FRMD6: variants seen among roughly 807,000 people sequenced by gnomAD.
FRMD6 encodes the protein FERM domain-containing protein 6.
A neutral mutation model predicts 73.2 loss-of-function variants in FRMD6; 37 were observed. The ratio of observed to expected loss-of-function variants is 0.51; its 90% CI spans 0.39 to 0.66. The LOEUF (loss-of-function observed/expected upper bound fraction) is 0.66. FRMD6 is among the 30% of genes least tolerant of loss of function. The probability of loss-of-function intolerance (pLI) is 0.00; values close to 1 mark genes in which losing one functional copy is unlikely to be tolerated. For synonymous variants in FRMD6, 273 were observed against 282.2 expected, an observed-to-expected ratio of 0.97 and a Z score of 0.33; for missense variants, 714 against 780.5, an observed-to-expected ratio of 0.91 and a Z score of 1.02.
chr14:51,419,037 G>T, the FRMD6 span, among the ~76,000 whole-genome samples: 2 of 152,182 alleles, frequency 1.3e-5, no homozygotes, highest in Non-Finnish European at 2.9e-5. Flanking sequence ...CATTGGAAAA[G>T]CACAGTATTT....
chr14:51,725,828 A>G lies in FRMD6; in HGVS notation c.1542A>G (p.Thr514=). The change falls in exon 13 of 14, where the codon ACA becomes ACG. Residue 514 remains threonine (T), a synonymous_variant. Transcript: ENST00000344768. The part of the protein sequence containing the change: ...IGSSTSSSSE[T]VVKLRGQSTD... Reference sequence around the variant, plus strand: ...CTTCCACCTCGAGCTCTTCAGAAACAGTTGTTAAGCTTCGTGGCCAGAGTA... The same window carrying G: ...CTTCCACCTCGAGCTCTTCAGAAACGGTTGTTAAGCTTCGTGGCCAGAGTA... 6.2e-7 allele frequency: 1 copy of G among 1,613,960 alleles called. No individual in the cohort carries two copies. Among genetic ancestry groups the G allele is most frequent in the Non-Finnish European group, 8.5e-7 (1 of 1,179,878 alleles).
chr14:51,419,356 G>GCC, the FRMD6 span, among the ~76,000 whole-genome samples: 1 of 152,180 alleles, frequency 6.6e-6, no homozygotes, highest in African/African-American at 2.4e-5. Context: ...CACCATCTTG[G>GCC]CCAGGATGGT....
intron 2 of FRMD6, among the ~76,000 whole-genome samples, chr14:51,600,857 T>G (rs1302123737): frequency 6.6e-6 from 1 of 152,214 alleles, no homozygotes; most frequent in Non-Finnish European, 1.5e-5. Flanking sequence ...GAACCATGGT[T>G]AGATACAGGG....
chr14:51,493,377 G>A (rs1438590668), intron 1 of FRMD6, among the ~76,000 whole-genome samples: 1 of 152,174 alleles, frequency 6.6e-6, no homozygotes, highest in Non-Finnish European at 1.5e-5. Context: ...TCGTAGGAGG[G>A]ACTCAGTGGG....
At chr14:51,666,918 G>A (rs1893637600) in intron 1 of FRMD6, among the ~76,000 whole-genome samples, 1 of 152,114 alleles carries the variant, frequency 6.6e-6, no homozygotes, top group Non-Finnish European at 1.5e-5. Flanking sequence ...GCGCTTTGCT[G>A]GAGCCCCGAA....
At chr14:51,635,805 T>C (rs1009391783) in intron 2 of FRMD6, among the ~76,000 whole-genome samples, 13 of 152,236 alleles carry the variant, frequency 8.5e-5, no homozygotes, top group African/African-American at 2.4e-4. Context: ...TTAAGTAGAA[T>C]ACCTGACATG....
intron 2 of FRMD6, among the ~76,000 whole-genome samples, chr14:51,628,731 G>T (rs944171261): frequency 2.8e-5 from 4 of 140,364 alleles, no homozygotes; most frequent in Admixed American, 1.5e-4. Flanking sequence ...AACCCAGGTG[G>T]CAGAGGTTGC....
chr14:51,603,638 T>C (rs961420270), intron 2 of FRMD6, among the ~76,000 whole-genome samples: 2 of 152,160 alleles, frequency 1.3e-5, no homozygotes, highest in East Asian at 1.9e-4. Context: ...TGGGAGACAG[T>C]GGAGCAAGGG....
intron 5 of FRMD6, among the ~76,000 whole-genome samples, chr14:51,703,451 TA>T (rs1416756398): frequency 6.6e-6 from 1 of 152,014 alleles, no homozygotes; most frequent in Non-Finnish European, 1.5e-5. Flanking sequence ...AATTAAAAAG[TA>T]AAAAAATTAG....
At chr14:51,683,306 G>T (rs1263698405) in intron 1 of FRMD6, among the ~76,000 whole-genome samples, 1 of 152,048 alleles carries the variant, frequency 6.6e-6, no homozygotes, top group African/African-American at 2.4e-5. Flanking sequence ...GCCTTGCTCT[G>T]TTGCTCAGGC....
chr14:51,723,690 G>T (rs1015418575), intron 12 of FRMD6, among the ~76,000 whole-genome samples: 3 of 150,946 alleles, frequency 2.0e-5, no homozygotes, highest in Admixed American at 6.6e-5. Flanking sequence ...CAGGAGAATC[G>T]CTTGAACCCA....
chr14:51,417,300 C>G, the FRMD6 span, among the ~76,000 whole-genome samples: 1 of 152,166 alleles, frequency 6.6e-6, no homozygotes, highest in Non-Finnish European at 1.5e-5. Context: ...CCGGTTGTTC[C>G]TTTCCATGTT....
the FRMD6 span, among the ~76,000 whole-genome samples, chr14:51,469,870 C>A: frequency 6.6e-6 from 1 of 151,772 alleles, no homozygotes; most frequent in Non-Finnish European, 1.5e-5. Context: ...TTTGATTCAC[C>A]TTTCTATGGA....
At chr14:51,415,831 G>T in the FRMD6 span, among the ~76,000 whole-genome samples, 827 of 152,264 alleles carry the variant, frequency 5.4e-3, 6 homozygotes, top group African/African-American at 0.019. Flanking sequence ...CAATTTCAGA[G>T]CCTGTTATTG....
intron 1 of FRMD6, among the ~76,000 whole-genome samples, chr14:51,671,351 T>C (rs1202687913): frequency 6.6e-6 from 1 of 152,214 alleles, no homozygotes; most frequent in African/African-American, 2.4e-5. Context: ...AGTTTACCAG[T>C]GATGCCATCT....
At chr14:51,445,305 A>C in the FRMD6 span, among the ~76,000 whole-genome samples, 1 of 152,086 alleles carries the variant, frequency 6.6e-6, no homozygotes, top group Admixed American at 6.5e-5. Context: ...CCAGCTTCCC[A>C]AGTCTGAAGA....
chr14:51,513,128 C>T (rs138851038), intron 1 of FRMD6, among the ~76,000 whole-genome samples: 159 of 152,276 alleles, frequency 1.0e-3, no homozygotes, highest in African/African-American at 2.8e-3. Flanking sequence ...CCCTCAGGGC[C>T]ATCTACATCA....
the FRMD6 span, among the ~76,000 whole-genome samples, chr14:51,458,225 T>C: frequency 5.3e-5 from 8 of 152,188 alleles, no homozygotes; most frequent in African/African-American, 1.4e-4. Flanking sequence ...ATACCAGTTA[T>C]TAACTGTTCC....
At chr14:51,634,676 G>A (rs1390769691) in intron 2 of FRMD6, among the ~76,000 whole-genome samples, 1 of 152,008 alleles carries the variant, frequency 6.6e-6, no homozygotes, top group African/African-American at 2.4e-5. Context: ...TAAAACACTG[G>A]AAAAGGAAAT....
Sources: allele counts gnomAD v4.1 joint callset (sites outside exome capture counted in the v4.1 genomes callset), GRCh38; gene constraint gnomAD v4.1.1; transcripts MANE v1.5; gene names NCBI Gene and HGNC (gene_info 2026-07-23, HGNC 2026-07-21).